SOX6: variants seen among roughly 807,000 people sequenced by gnomAD.
The protein encoded by SOX6 is SRY-box transcription factor 6.
SOX6 carries 11 observed loss-of-function variants against 97.8 expected under a neutral mutation model. That is an observed-to-expected ratio of 0.11 (90% CI 0.07 to 0.19). The LOEUF (loss-of-function observed/expected upper bound fraction) is 0.19. Ranked by LOEUF, SOX6 falls within the 10% of genes least tolerant of loss-of-function variation. The pLI, the probability that SOX6 is intolerant of heterozygous loss-of-function variation, is 1.00. For synonymous variants in SOX6, 360 were observed against 371.4 expected (o/e 0.97, Z 0.35); for missense variants, 810 against 1,039.5 (o/e 0.78, Z 3.04).
intron 4 of SOX6, among the ~76,000 whole-genome samples, chr11:16,562,628 A>C (rs1847828829): frequency 6.6e-6 from 1 of 152,046 alleles, no homozygotes; most frequent in African/African-American, 2.4e-5. Flanking sequence ...CGGAAATGTC[A>C]AAGAAAACCA....
chr11:16,649,349 G>A (rs769296430), intron 3 of SOX6, among the ~76,000 whole-genome samples: 1 of 152,078 alleles, frequency 6.6e-6, no homozygotes, highest in Non-Finnish European at 1.5e-5. Context: ...CAGACAAAAC[G>A]ATCTTAAGAG....
chr11:16,608,491 GAGAAA>G (rs1282512839), intron 4 of SOX6, among the ~76,000 whole-genome samples: 1 of 151,578 alleles, frequency 6.6e-6, no homozygotes, highest in Non-Finnish European at 1.5e-5. Context: ...AGTCAAAAGA[GAGAAA>G]AGAAAGAGAT....
intron 1 of SOX6, among the ~76,000 whole-genome samples, chr11:16,468,621 A>C (rs2098649422): frequency 6.6e-6 from 1 of 152,208 alleles, no homozygotes; most frequent in African/African-American, 2.4e-5. Flanking sequence ...CCAATTCCAC[A>C]TTATAGTGAA....
At chr11:16,046,417 C>T (rs1256334854) in intron 12 of SOX6, 97 bp downstream of exon 12, 2 of 1,355,324 alleles carry the variant, frequency 1.5e-6, no homozygotes, top group East Asian at 4.6e-5. Flanking sequence ...AAGCCCAAAT[C>T]TATGGCTGCA....
At chr11:16,100,917 GA>G (rs1332761295) in intron 7 of SOX6, among the ~76,000 whole-genome samples, 2 of 150,968 alleles carry the variant, frequency 1.3e-5, no homozygotes, top group South Asian at 2.1e-4. Context: ...AGTAGAGAGA[GA>G]AAAAAAATAA....
chr11:16,147,525 A>G (rs1741440983), intron 6 of SOX6, among the ~76,000 whole-genome samples: 1 of 152,162 alleles, frequency 6.6e-6, no homozygotes, highest in Admixed American at 6.6e-5. Context: ...AAAAGAGTCC[A>G]TAAGAAGTTC....
chr11:16,471,219 A>G (rs1231521691), intron 1 of SOX6, among the ~76,000 whole-genome samples: 1 of 152,140 alleles, frequency 6.6e-6, no homozygotes, highest in Non-Finnish European at 1.5e-5. Context: ...GCAATCTTCC[A>G]CAATGCTTAC....
At chr11:16,497,691 T>A (rs1447443697) in intron 4 of SOX6, among the ~76,000 whole-genome samples, 1 of 152,120 alleles carries the variant, frequency 6.6e-6, no homozygotes, top group Non-Finnish European at 1.5e-5. Flanking sequence ...AGTAGCCGAT[T>A]TGATCAACTG....
intron 4 of SOX6, among the ~76,000 whole-genome samples, chr11:16,558,025 A>AATATTTTT (rs1847767970): frequency 6.6e-6 from 1 of 151,922 alleles, no homozygotes. Context: ...AAACATCTAA[A>AATATTTTT]ATATTTTTTC....
In SOX6 at chr11:16,093,344, T is replaced by C. The variant is rs551846652; in HGVS notation, c.1101+2652A>G. Among the ~76,000 whole-genome samples, 12 of 152,100 alleles carry C rather than the reference T, an allele frequency of 7.9e-5. No homozygotes were observed. The East Asian group carries it at 1.5e-3, about 20-fold the overall frequency. On this transcript the variant is annotated intron_variant, in intron 9 of 15. Transcript: ENST00000683767. ...AAAACCATGCCTTAGATCAGCACAG[T>C]AGTATTTTAAAAAATGGTCTTTACG...
rs1442944579 is a variant in SOX6 at position 15,972,012 on chromosome 11, A to T, written c.*797T>A. ...TGCTCTGGTGTGTGTATGTCATACC[A>T]CATCACGCACTGATGGCACGTCAAC... On this transcript the variant is annotated 3_prime_UTR_variant, in exon 16 of 16. Coordinates refer to ENST00000683767, the MANE Select transcript of SOX6 (RefSeq NM_001367873.1). 3.3e-5 allele frequency: 5 copies of T among 152,622 alleles called. No individual in the cohort carries two copies. The highest frequency in any genetic ancestry group is 7.3e-5 in the Non-Finnish European group (5 of 68,066). The allele number at this position is 152,622 out of a possible 1,614,324, so 9.5% of individuals were successfully genotyped here.
intron 6 of SOX6, among the ~76,000 whole-genome samples, chr11:16,155,331 A>G (rs1850569935): frequency 1.3e-5 from 2 of 152,014 alleles, no homozygotes; most frequent in Admixed American, 6.6e-5. Context: ...AAATTATTTA[A>G]CCTCTCCATG....
chr11:16,344,913 T>C (rs1856736011), intron 1 of SOX6, among the ~76,000 whole-genome samples: 1 of 151,900 alleles, frequency 6.6e-6, no homozygotes, highest in Admixed American at 6.6e-5. Context: ...GCAGCGCAAA[T>C]GTTGCCGCTA....
At chr11:15,986,535 T>C in intron 14 of SOX6, 115 bp from the exon 15 acceptor site, 1 of 916,350 alleles carries the variant, frequency 1.1e-6, no homozygotes, top group Non-Finnish European at 1.7e-6. Context: ...GTGGCTCCAA[T>C]TCCCACATAC....
At chr11:16,005,778 TC>T (rs1462274249) in intron 13 of SOX6, among the ~76,000 whole-genome samples, 1 of 152,056 alleles carries the variant, frequency 6.6e-6, no homozygotes, top group African/African-American at 2.4e-5. Flanking sequence ...AATGCTTTTT[TC>T]CAGGTCTGAG....
intron 4 of SOX6, among the ~76,000 whole-genome samples, chr11:16,514,244 A>G (rs2133154088): frequency 6.6e-6 from 1 of 152,172 alleles, no homozygotes; most frequent in South Asian, 2.1e-4. Flanking sequence ...GTGTTTAAAA[A>G]AATAATACCA....
At chr11:16,536,071 T>C (rs529822380) in intron 4 of SOX6, among the ~76,000 whole-genome samples, 6 of 152,362 alleles carry the variant, frequency 3.9e-5, no homozygotes, top group South Asian at 2.1e-4. Flanking sequence ...GAGGGGACTA[T>C]TATCAATTGT....
chr11:16,115,074 T>A (rs181084203), intron 6 of SOX6, among the ~76,000 whole-genome samples: 1 of 152,310 alleles, frequency 6.6e-6, no homozygotes, highest in East Asian at 1.9e-4. Context: ...GAAAGCTATG[T>A]TAGAAACTTC....
intron 6 of SOX6, among the ~76,000 whole-genome samples, chr11:16,146,368 C>T (rs1328610763): frequency 6.6e-6 from 1 of 152,176 alleles, no homozygotes; most frequent in Non-Finnish European, 1.5e-5. Flanking sequence ...GGATCAAAGA[C>T]TTAAATGTTA....
Sources: gnomAD v4.1 joint callset for allele counts (sites outside exome capture counted in the v4.1 genomes callset) on GRCh38, gnomAD v4.1.1 for gene constraint, MANE v1.5 for transcripts, NCBI Gene and HGNC (gene_info 2026-07-23, HGNC 2026-07-21) for gene names.